The following DTNA variants were observed in gnomAD, a reference collection of about 807,000 sequenced individuals.
DTNA encodes dystrobrevin alpha.
Under a neutral mutation model 100.7 loss-of-function variants are expected in DTNA, and 43 were observed. The ratio of observed to expected loss-of-function variants is 0.43; its 90% CI spans 0.33 to 0.55. DTNA has a LOEUF of 0.55. Among genes scored for constraint, DTNA ranks in the 20% least tolerant of loss-of-function variants. The pLI is 0.04. For synonymous variants in DTNA, 349 were observed against 347.9 expected, an observed-to-expected ratio of 1.00 and a Z score of -0.04; for missense variants, 798 against 953.9, an observed-to-expected ratio of 0.84 and a Z score of 2.15.
At chr18:34,752,941 ATAAT>A (rs1459642515) in intron 1 of DTNA, among the ~76,000 whole-genome samples, 22 of 152,350 alleles carry the variant, frequency 1.4e-4, no homozygotes, top group Non-Finnish European at 2.4e-4. Context: ...GTCATTTCAA[ATAAT>A]TAATCTCTGA....
chr18:34,731,101 C>T (rs377228311), intron 1 of DTNA, among the ~76,000 whole-genome samples: 48 of 152,296 alleles, frequency 3.2e-4, no homozygotes, highest in African/African-American at 1.1e-3. Flanking sequence ...CTTCCAATGG[C>T]CTCCTCTGAA....
chr18:34,822,584 A>C (rs1472542976), intron 9 of DTNA: 2 of 153,006 alleles, frequency 1.3e-5, no homozygotes, highest in Admixed American at 1.3e-4. Flanking sequence ...CCACTGGAGT[A>C]TTATCTAGCT....
chr18:34,631,407 G>A (rs2058063982), intron 1 of DTNA, among the ~76,000 whole-genome samples: 1 of 152,078 alleles, frequency 6.6e-6, no homozygotes, highest in Non-Finnish European at 1.5e-5. Context: ...TCAATGAGGA[G>A]ACATGATTTT....
intron 1 of DTNA, among the ~76,000 whole-genome samples, chr18:34,597,606 C>T (rs756631048): frequency 6.6e-6 from 1 of 152,124 alleles, no homozygotes. Flanking sequence ...GCTTAGTGTC[C>T]TTAGTATGTC....
chr18:34,646,993 T>A (rs905422275), intron 1 of DTNA, among the ~76,000 whole-genome samples: 1 of 123,032 alleles, frequency 8.1e-6, no homozygotes, highest in East Asian at 2.1e-4. Context: ...GGATTACAGG[T>A]GTGAGCCACC....
intron 1 of DTNA, among the ~76,000 whole-genome samples, chr18:34,513,083 C>T (rs1275613052): frequency 1.3e-5 from 2 of 152,042 alleles, no homozygotes; most frequent in Non-Finnish European, 2.9e-5. Context: ...TTTAGATTGT[C>T]ATGTGTTTTC....
At chr18:34,705,539 C>T (rs534955736), upstream of DTNA, among the ~76,000 whole-genome samples, 4 of 152,244 alleles carry the variant, frequency 2.6e-5, no homozygotes, top group South Asian at 6.2e-4. Flanking sequence ...CATGCTGGAA[C>T]TTTAAGCAAG....
chr18:34,766,003 C>A lies in DTNA; in HGVS notation c.110C>A (p.Thr37Lys). The change falls in exon 3 of 23, where the codon ACA becomes AAA. Residue 37 changes from threonine (T) to lysine (K), a missense_variant. Around this residue, in one of 6 missense-constraint regions of DTNA, gnomAD observed 197 missense variants for 215.4 expected, o/e 0.91. Transcript: ENST00000444659. ...LDRIRLSTYRTACKLRFVQKK... is the reference protein window; with the variant it reads ...LDRIRLSTYRKACKLRFVQKK... ...CGCATCCGACTCTCCACCTACAGAA[C>A]AGCATGCAAGCTTAGGTTTGTTCAG... 1 of 1,613,810 alleles carries A rather than the reference C, an allele frequency of 6.2e-7. No homozygotes were observed. Among genetic ancestry groups the A allele is most frequent in the Non-Finnish European group, 8.5e-7 (1 of 1,179,776 alleles).
intron 16 of DTNA, among the ~76,000 whole-genome samples, chr18:34,863,668 A>G (rs2096658722): frequency 6.6e-6 from 1 of 152,238 alleles, no homozygotes; most frequent in African/African-American, 2.4e-5. Flanking sequence ...CACAGGGCCC[A>G]CTACATAGTA....
chr18:34,773,904 C>T (rs1319339289), intron 3 of DTNA, among the ~76,000 whole-genome samples: 2 of 152,110 alleles, frequency 1.3e-5, no homozygotes, highest in South Asian at 2.1e-4. Flanking sequence ...GGTTTTGTTT[C>T]CTTGTTAGTA....
chr18:34,811,417 T>C (rs1377099716), intron 5 of DTNA, among the ~76,000 whole-genome samples: 1 of 152,208 alleles, frequency 6.6e-6, no homozygotes, highest in Non-Finnish European at 1.5e-5. Flanking sequence ...TTTCTTCTTC[T>C]GTAGGAAGTT....
intron 1 of DTNA, among the ~76,000 whole-genome samples, chr18:34,626,284 CT>C (rs1371275268): frequency 6.6e-6 from 1 of 152,020 alleles, no homozygotes; most frequent in African/African-American, 2.4e-5. Context: ...TTTAGTTGGC[CT>C]GCTCTACCAT....
chr18:34,510,390 T>C (rs1231192892), intron 1 of DTNA, among the ~76,000 whole-genome samples: 1 of 151,974 alleles, frequency 6.6e-6, no homozygotes, highest in Non-Finnish European at 1.5e-5. Flanking sequence ...CCTAGCATAG[T>C]GAAATTGAAA....
chr18:34,535,084 G>A (rs914571058), intron 1 of DTNA, among the ~76,000 whole-genome samples: 1 of 152,152 alleles, frequency 6.6e-6, no homozygotes, highest in Non-Finnish European at 1.5e-5. Flanking sequence ...TTCCACAATG[G>A]TTGAACTAAT....
chr18:34,603,196 G>A (rs1036073721), intron 1 of DTNA, among the ~76,000 whole-genome samples: 4 of 151,440 alleles, frequency 2.6e-5, no homozygotes, highest in African/African-American at 9.7e-5. Context: ...GGGCAGCAGA[G>A]TGAGACCCTG....
chr18:34,588,699 G>A (rs1255646423), intron 1 of DTNA, among the ~76,000 whole-genome samples: 1 of 128,098 alleles, frequency 7.8e-6, no homozygotes, highest in Non-Finnish European at 1.7e-5. Flanking sequence ...GTGTGTGTGT[G>A]TGTGTGTGTA....
At chr18:34,728,517 T>C (rs1435973372) in intron 1 of DTNA, among the ~76,000 whole-genome samples, 1 of 152,178 alleles carries the variant, frequency 6.6e-6, no homozygotes, top group Non-Finnish European at 1.5e-5. Flanking sequence ...CTTTATATAT[T>C]TCCTTCCAGT....
chr18:34,882,225 A>C (rs1158993260), intron 21 of DTNA, 24 bp downstream of exon 21: 1 of 1,612,180 alleles, frequency 6.2e-7, no homozygotes, highest in Non-Finnish European at 8.5e-7. Flanking sequence ...GGCCCACCCC[A>C]CCCCACCTCT....
chr18:34,777,300 A>G (rs2094109753), intron 3 of DTNA, among the ~76,000 whole-genome samples: 1 of 152,222 alleles, frequency 6.6e-6, no homozygotes, highest in South Asian at 2.1e-4. Flanking sequence ...ACATTTTGAG[A>G]CTACTGGGGA....
Sources: gnomAD v4.1 joint callset for allele counts (sites outside exome capture counted in the v4.1 genomes callset) on GRCh38, gnomAD v4.1.1 for gene constraint, gnomAD v4.1.1 regional missense constraint, MANE v1.5 for transcripts, NCBI Gene and HGNC (gene_info 2026-07-23, HGNC 2026-07-21) for gene names.